The following RNF144A variants were observed in gnomAD, a reference collection of about 807,000 sequenced individuals.
The protein encoded by RNF144A is ring finger protein 144A.
RNF144A carries 11 observed loss-of-function variants against 38.7 expected under a neutral mutation model. That is an observed-to-expected ratio of 0.28 (90% CI 0.18 to 0.47). RNF144A has a LOEUF of 0.47. Among genes scored for constraint, RNF144A ranks in the 20% least tolerant of loss-of-function variants. RNF144A has a pLI of 0.99. For synonymous variants in RNF144A, 149 were observed against 143.9 expected, an observed-to-expected ratio of 1.04 and a Z score of -0.25; for missense variants, 316 against 377.2, an observed-to-expected ratio of 0.84 and a Z score of 1.34.
chr2:6,973,411 G>A (rs1002107915), intron 2 of RNF144A, among the ~76,000 whole-genome samples: 1 of 152,188 alleles, frequency 6.6e-6, no homozygotes, highest in African/African-American at 2.4e-5. Flanking sequence ...GTGTATATCG[G>A]CATGTAAGGC....
intron 6 of RNF144A, among the ~76,000 whole-genome samples, chr2:7,066,148 CCG>C (rs1674207850): frequency 6.6e-6 from 1 of 151,862 alleles, no homozygotes; most frequent in Non-Finnish European, 1.5e-5. Flanking sequence ...AGTTCAGTGG[CCG>C]GATCTCGGCT....
intron 6 of RNF144A, among the ~76,000 whole-genome samples, chr2:7,021,619 A>G (rs1671539125): frequency 1.3e-5 from 2 of 152,200 alleles, no homozygotes; most frequent in Middle Eastern, 3.2e-3. Context: ...TTCCGAGGAC[A>G]GGGTTGGGGC....
At chr2:7,017,861 G>A (rs1671242070) in intron 5 of RNF144A, among the ~76,000 whole-genome samples, 2 of 152,216 alleles carry the variant, frequency 1.3e-5, no homozygotes, top group African/African-American at 4.8e-5. Flanking sequence ...TCTGCAGTCA[G>A]AGCGGCCGTT....
intron 7 of RNF144A, among the ~76,000 whole-genome samples, chr2:7,028,440 T>A (rs1327106173): frequency 6.6e-6 from 1 of 152,194 alleles, no homozygotes; most frequent in African/African-American, 2.4e-5. Flanking sequence ...TCGGAGTCAG[T>A]ATCTTCAGCT....
At chr2:6,964,042 G>A in intron 2 of RNF144A, among the ~76,000 whole-genome samples, 1 of 151,960 alleles carries the variant, frequency 6.6e-6, no homozygotes, top group Non-Finnish European at 1.5e-5. Context: ...AAGAAAAACT[G>A]TGGCAAGGGT....
downstream of RNF144A, among the ~76,000 whole-genome samples, chr2:7,045,582 T>G (rs1207572784): frequency 6.6e-6 from 1 of 152,176 alleles, no homozygotes; most frequent in Non-Finnish European, 1.5e-5. Flanking sequence ...AAAGTCATAT[T>G]GGATTAGAGC....
chr2:7,042,019 C>G lies in RNF144A; in HGVS notation c.*2259C>G. On this transcript the variant is annotated 3_prime_UTR_variant, in exon 9 of 9. Coordinates refer to ENST00000320892, the MANE Select transcript of RNF144A (RefSeq NM_014746.6). Reference sequence around the variant, plus strand: ...AACCCAGATAGGGACCACAGAGATTCTGGGGCCAGCCAGGGGCAGTCAAAT... The same window carrying G: ...AACCCAGATAGGGACCACAGAGATTGTGGGGCCAGCCAGGGGCAGTCAAAT... 1.0e-6 allele frequency: 1 copy of G among 985,440 alleles called. No individual in the cohort carries two copies. Among genetic ancestry groups the G allele is most frequent in the Non-Finnish European group, 1.2e-6 (1 of 829,936 alleles). The allele number at this position is 985,440 out of a possible 1,614,324, so 61.0% of individuals were successfully genotyped here.
chr2:7,020,441 T>C, intron 5 of RNF144A, 32 bp from the exon 6 acceptor site: 1 of 1,595,910 alleles, frequency 6.3e-7, no homozygotes. Context: ...CTGGCTTAAG[T>C]TTGATTTGTC....
At chr2:6,996,242 G>A (rs12465410) in intron 2 of RNF144A, among the ~76,000 whole-genome samples, 46,947 of 152,000 alleles carry the variant, frequency 0.31, 7,628 homozygotes, top group African/African-American at 0.39. Context: ...TATTCGCCAC[G>A]TCTTTAACAC....
chr2:6,919,588 T>C (rs903655489), intron 1 of RNF144A, among the ~76,000 whole-genome samples: 3 of 131,422 alleles, frequency 2.3e-5, no homozygotes, highest in African/African-American at 8.2e-5. Context: ...CGGTGTTGCG[T>C]GGAAGGGAAG....
the RNF144A span, among the ~76,000 whole-genome samples, chr2:7,075,687 G>C: frequency 5.9e-5 from 9 of 152,180 alleles, no homozygotes; most frequent in African/African-American, 9.7e-5. Flanking sequence ...CCAGAACTGT[G>C]AGTAAAATTA....
chr2:7,041,759 T>G lies in RNF144A; in HGVS notation c.*1999T>G. On this transcript the variant is annotated 3_prime_UTR_variant, in exon 9 of 9. Transcript: ENST00000320892. Reference sequence around the variant, plus strand: ...CACGCCTCCACCATATGCTCATCCTTCCTGCCTGAAATTGCTGCTGCCCAT... The same window carrying G: ...CACGCCTCCACCATATGCTCATCCTGCCTGCCTGAAATTGCTGCTGCCCAT... 1.0e-6 allele frequency: 1 copy of G among 985,626 alleles called. No individual in the cohort carries two copies. The highest frequency in any genetic ancestry group is 1.2e-6 in the Non-Finnish European group (1 of 830,074). 61.1% of individuals were successfully genotyped at this position (985,626 alleles called of 1,614,324 possible).
At position 6,994,877 on chromosome 2, in the gene RNF144A, C is replaced by T. The variant is rs185740022; in HGVS notation, c.-11-2039C>T. 7.2e-5 allele frequency among the ~76,000 whole-genome samples: 11 copies of T among 152,136 alleles called. No individual in the cohort carries two copies. In the East Asian group the frequency reaches 1.9e-3, roughly 27 times the overall value. On this transcript the variant is annotated intron_variant, in intron 2 of 8. Coordinates refer to ENST00000320892, the MANE Select transcript of RNF144A (RefSeq NM_014746.6). ...GCAGATTCCCAGTGCAGATCCCGGG[C>T]GGTCTTCAGTCACCCCCTCAGTTGC...
chr2:7,057,709 T>C (rs1673793472), intron 6 of RNF144A, among the ~76,000 whole-genome samples: 1 of 152,198 alleles, frequency 6.6e-6, no homozygotes, highest in African/African-American at 2.4e-5. Context: ...ATCCTGGAAT[T>C]ATCAAATTCT....
At chr2:6,982,261 C>G (rs764294305) in intron 2 of RNF144A, among the ~76,000 whole-genome samples, 1 of 152,174 alleles carries the variant, frequency 6.6e-6, no homozygotes, top group African/African-American at 2.4e-5. Flanking sequence ...CTTGCAGCTA[C>G]TCGTAAGTGT....
At chr2:6,942,933 G>A (rs1666106077) in intron 2 of RNF144A, among the ~76,000 whole-genome samples, 1 of 152,182 alleles carries the variant, frequency 6.6e-6, no homozygotes, top group South Asian at 2.1e-4. Context: ...GCAGTGAGCT[G>A]AGTTCGTGGC....
At chr2:6,961,548 A>G (rs1283498835) in intron 2 of RNF144A, among the ~76,000 whole-genome samples, 2 of 152,216 alleles carry the variant, frequency 1.3e-5, no homozygotes, top group Non-Finnish European at 2.9e-5. Context: ...GAGATGAGAC[A>G]TGCATGCATC....
At chr2:7,031,498 G>T (rs934041533) in intron 8 of RNF144A, among the ~76,000 whole-genome samples, 1 of 152,208 alleles carries the variant, frequency 6.6e-6, no homozygotes, top group Admixed American at 6.5e-5. Flanking sequence ...AGCAACCCTG[G>T]ATCTTGTGCT....
chr2:7,018,564 C>G (rs1329824414), intron 5 of RNF144A, among the ~76,000 whole-genome samples: 1 of 152,240 alleles, frequency 6.6e-6, no homozygotes, highest in Non-Finnish European at 1.5e-5. Flanking sequence ...ACTGTCAGCT[C>G]AGGGGAGCCC....
Sources: gnomAD v4.1 joint callset for allele counts (sites outside exome capture counted in the v4.1 genomes callset) on GRCh38, gnomAD v4.1.1 for gene constraint, MANE v1.5 for transcripts, NCBI Gene and HGNC (gene_info 2026-07-23, HGNC 2026-07-21) for gene names.